ASIC4: variants seen among roughly 807,000 people sequenced by gnomAD.
ASIC4 encodes acid sensing ion channel subunit family member 4.
In ASIC4, 28 loss-of-function variants were observed where a neutral mutation model predicts 53.4. That is an observed-to-expected ratio of 0.52 (90% confidence interval 0.39 to 0.72). ASIC4 has a LOEUF of 0.72. Among genes scored for constraint, ASIC4 ranks in the 30% least tolerant of loss-of-function variants. The pLI is 0.00. For missense variants in ASIC4, 649 were observed against 729.7 expected (o/e 0.89, Z 1.27); for synonymous variants, 289 against 301.4 (o/e 0.96, Z 0.43).
Position 219,517,689 on chromosome 2 carries a change from G to A in ASIC4, c.582+2383G>A, listed in dbSNP as rs1466325077. Among the ~76,000 whole-genome samples the A allele has an allele frequency of 6.6e-6, 1 of 152,116 alleles. No individual in the cohort carries two copies. Among genetic ancestry groups the A allele is most frequent in the Admixed American group, 6.5e-5 (1 of 15,270 alleles). ...ATGGGCATGGAGATGAAGATATGGG[G>A]TCTCCAAAAAGGACGTGAGGTCCAT... On this transcript the variant is annotated intron_variant, in intron 1 of 9. Coordinates refer to ENST00000358078, the MANE Select transcript of ASIC4 (RefSeq NM_018674.6). This position sits in a 1 kb window ranked among gnomAD's most constrained non-coding sequence, Gnocchi z 4.2.
At chr2:219,510,888 G>A (rs926471472), upstream of ASIC4, among the ~76,000 whole-genome samples, 6 of 151,588 alleles carry the variant, frequency 4.0e-5, no homozygotes, top group African/African-American at 9.7e-5. The surrounding 1 kb of genome is among the most constrained non-coding windows in gnomAD (Gnocchi z 5.2). Flanking sequence ...TGCCTCGTCC[G>A]CGGCATAAAT....
chr2:219,526,138 G>C (rs923408850), intron 1 of ASIC4, among the ~76,000 whole-genome samples: 6 of 152,186 alleles, frequency 3.9e-5, no homozygotes, highest in Non-Finnish European at 8.8e-5. Context: ...AAGCAAGCCA[G>C]CCAGGGAGAG....
At position 219,537,894 on chromosome 2, in the gene ASIC4, G is replaced by A. The variant is rs755208044; in HGVS notation, c.1507-39G>A. 6.5e-7 allele frequency: 1 copy of A among 1,540,218 alleles called. No homozygotes were observed. Among genetic ancestry groups the A allele is most frequent in the South Asian group, 1.2e-5 (1 of 84,028 alleles). On this transcript the variant is annotated intron_variant, in intron 9 of 9. Transcript: ENST00000358078. The surrounding 1 kb of genome is among the most constrained non-coding windows in gnomAD (Gnocchi z 4.9). ...TGTGAGCCCTGGGGGCACCACTTGA[G>A]CTCTCCCGGTCCCACTCTCTCTTTT... is the stretch of plus-strand genomic sequence containing the variant.
At chr2:219,507,988 G>T in the ASIC4 span, among the ~76,000 whole-genome samples, 1 of 152,084 alleles carries the variant, frequency 6.6e-6, no homozygotes, top group Non-Finnish European at 1.5e-5. Context: ...GACCTCCCAG[G>T]CCCCTCAGGT....
At position 219,537,878 on chromosome 2, in the gene ASIC4, T is replaced by C; in HGVS notation, c.1507-55T>C. The C allele has an allele frequency of 1.3e-6, 2 of 1,510,208 alleles. No homozygotes were observed. Among genetic ancestry groups the C allele is most frequent in the Non-Finnish European group, 1.8e-6 (2 of 1,106,268 alleles). 93.6% of individuals were successfully genotyped at this position (1,510,208 alleles called of 1,614,324 possible). A position where few individuals can be genotyped will look rare whatever the true frequency, so the allele number is the denominator to read the frequency against. The stretch of plus-strand genomic sequence containing the variant: ...AAGGAAAGGCTGGCGGTGTGAGCCC[T>C]GGGGGCACCACTTGAGCTCTCCCGG... On this transcript the variant is annotated intron_variant, in intron 9 of 9. Coordinates refer to ENST00000358078, the MANE Select transcript of ASIC4 (RefSeq NM_018674.6). The surrounding 1 kb of genome is among the most constrained non-coding windows in gnomAD (Gnocchi z 4.9).
upstream of ASIC4, among the ~76,000 whole-genome samples, chr2:219,509,392 C>T (rs578208697): frequency 6.6e-6 from 1 of 152,256 alleles, no homozygotes; most frequent in Non-Finnish European, 1.5e-5. The surrounding 1 kb of genome is among the most constrained non-coding windows in gnomAD (Gnocchi z 5.2). Flanking sequence ...CACACTGACA[C>T]CTCTGCCAAC....
chr2:219,509,599 T>G (rs1054115456), upstream of ASIC4, among the ~76,000 whole-genome samples: 45 of 152,062 alleles, frequency 3.0e-4, no homozygotes, highest in African/African-American at 1.1e-3. This position sits in a 1 kb window ranked among gnomAD's most constrained non-coding sequence, Gnocchi z 5.2. Flanking sequence ...CCCTGGGCTC[T>G]GGTGTGGAGG....
rs986916823 is a variant in ASIC4, at chr2:219,517,928, C to G, written c.582+2622C>G. On this transcript the variant is annotated intron_variant, in intron 1 of 9. Transcript: ENST00000358078. This position sits in a 1 kb window ranked among gnomAD's most constrained non-coding sequence, Gnocchi z 4.2. ...ACTCCCCACTCTGCTGTGACCTTTC[C>G]TCTGGAATCCAAGTTAATAAATGTC... 4.6e-5 allele frequency among the ~76,000 whole-genome samples: 7 copies of G among 152,146 alleles called. No individual in the cohort carries two copies. Among genetic ancestry groups the G allele is most frequent in the Non-Finnish European group, 8.8e-5 (6 of 68,020 alleles).
At chr2:219,515,515 G>A (rs541378061) in intron 1 of ASIC4, among the ~76,000 whole-genome samples, 2 of 152,386 alleles carry the variant, frequency 1.3e-5, no homozygotes, top group East Asian at 1.9e-4. Flanking sequence ...TTACCCTGGG[G>A]CGCCTGCTGC....
the ASIC4 span, among the ~76,000 whole-genome samples, chr2:219,508,389 C>T: frequency 6.6e-6 from 1 of 152,192 alleles, no homozygotes; most frequent in African/African-American, 2.4e-5. Context: ...CCCGGGATCC[C>T]CCTCCTAGAC....
At chr2:219,531,417 G>A (rs1221937955) in intron 1 of ASIC4, among the ~76,000 whole-genome samples, 3 of 152,168 alleles carry the variant, frequency 2.0e-5, no homozygotes, top group East Asian at 3.9e-4. Flanking sequence ...TGGCTTGGAT[G>A]CAGGAGTGAT....
upstream of ASIC4, chr2:219,514,403 C>T (rs1694743859): frequency 6.5e-7 from 1 of 1,547,232 alleles, no homozygotes; most frequent in Non-Finnish European, 8.7e-7. Context: ...CTCCCTCGCT[C>T]ACTCGCTCGC....
Position 219,516,282 on chromosome 2 carries a change from C to A in ASIC4, c.582+976C>A, listed in dbSNP as rs147334933. Among the ~76,000 whole-genome samples the A allele has an allele frequency of 6.6e-6, 1 of 152,294 alleles. No homozygotes were observed. The highest frequency in any genetic ancestry group is 1.9e-4 in the East Asian group (1 of 5,180). On this transcript the variant is annotated intron_variant, in intron 1 of 9. Coordinates refer to ENST00000358078, the MANE Select transcript of ASIC4 (RefSeq NM_018674.6). The surrounding 1 kb of genome is among the most constrained non-coding windows in gnomAD (Gnocchi z 4.9). ...CATCCCTTCTCATGACACCCCCACCCCCATCTATCCCAACCGCTGCTCCCC... is the reference window on the plus strand; with the variant it reads ...CATCCCTTCTCATGACACCCCCACCACCATCTATCCCAACCGCTGCTCCCC...
upstream of ASIC4, among the ~76,000 whole-genome samples, chr2:219,512,806 C>T (rs538796039): frequency 4.2e-4 from 64 of 152,372 alleles, no homozygotes; most frequent in Non-Finnish European, 7.6e-4. Flanking sequence ...TGGGGAAGCC[C>T]AGCTGTGGGG....
intron 1 of ASIC4, among the ~76,000 whole-genome samples, chr2:219,522,859 A>G (rs898633813): frequency 6.6e-6 from 1 of 152,064 alleles, no homozygotes; most frequent in Non-Finnish European, 1.5e-5. Flanking sequence ...AGGCAGACCC[A>G]GGGAGGAGAG....
Position 219,537,427 on chromosome 2 carries a change from AG to A in ASIC4, c.1401+109del. ...CTGGCCTGGCTGGAAAGTCAGGTTC[AG>A]GGTTCTCTGCCAGGGTCCCCTGACT... On this transcript the variant is annotated intron_variant, in intron 8 of 9. Coordinates refer to ENST00000358078, the MANE Select transcript of ASIC4 (RefSeq NM_018674.6). The surrounding 1 kb of genome is among the most constrained non-coding windows in gnomAD (Gnocchi z 4.9). 1 of 1,350,230 alleles carries A rather than the reference AG, an allele frequency of 7.4e-7. No individual in the cohort carries two copies. The highest frequency in any genetic ancestry group is 1.3e-5 in the South Asian group (1 of 78,362). 83.6% of individuals were successfully genotyped at this position (1,350,230 alleles called of 1,614,324 possible).
At chr2:219,510,919 C>A (rs549150398), upstream of ASIC4, among the ~76,000 whole-genome samples, 89 of 152,178 alleles carry the variant, frequency 5.8e-4, no homozygotes, top group African/African-American at 1.9e-3. This position sits in a 1 kb window ranked among gnomAD's most constrained non-coding sequence, Gnocchi z 5.2. Context: ...AATCAGCCGC[C>A]GTCCGCCCCC....
rs371492988 is a variant in ASIC4, at chr2:219,520,119, C to T, written c.582+4813C>T. Among the ~76,000 whole-genome samples the T allele has an allele frequency of 5.9e-5, 9 of 152,166 alleles. No individual in the cohort carries two copies. In the South Asian group the frequency reaches 1.4e-3, roughly 25 times the overall value. On this transcript the variant is annotated intron_variant, in intron 1 of 9. Transcript: ENST00000358078. ...GGCCAGGAGCCTGGGGCCCTGTGGG[C>T]GCCTCACTATCTCCATCCCCTATGG...
Position 219,537,205 on chromosome 2 carries a change from C to T in ASIC4, c.1322-37C>T, listed in dbSNP as rs998466988. On this transcript the variant is annotated intron_variant, in intron 7 of 9. Coordinates refer to ENST00000358078, the MANE Select transcript of ASIC4 (RefSeq NM_018674.6). The surrounding 1 kb of genome is among the most constrained non-coding windows in gnomAD (Gnocchi z 4.9). ...CAGCTTGTGTGGGGGTGGATCGGCC[C>T]GGCCGCTCCCTCTGACACTGCTCTC... The T allele has an allele frequency of 4.3e-5, 69 of 1,611,294 alleles. 2 individuals carry two copies. In the East Asian group the frequency reaches 4.9e-4, roughly 11 times the overall value.
Sources: gnomAD v4.1 joint callset for allele counts (sites outside exome capture counted in the v4.1 genomes callset) on GRCh38, gnomAD v4.1.1 for gene constraint, Gnocchi (gnomAD v3.1) non-coding constraint, MANE v1.5 for transcripts, NCBI Gene and HGNC (gene_info 2026-07-23, HGNC 2026-07-21) for gene names.